The following CTNNA3 variants were observed in gnomAD, a reference collection of about 807,000 sequenced individuals.
CTNNA3 encodes the protein catenin alpha 3.
CTNNA3 carries 76 observed loss-of-function variants against 95.7 expected under a neutral mutation model. The ratio of observed to expected loss-of-function variants is 0.79; its 90% CI spans 0.66 to 0.96. CTNNA3 has a LOEUF of 0.96. CTNNA3 is among the 40% of genes least tolerant of loss of function. CTNNA3 has a pLI of 0.00. For synonymous variants in CTNNA3, 431 were observed against 374.4 expected (o/e 1.15, Z -1.74); for missense variants, 1,191 against 1,089.8 (o/e 1.09, Z -1.31).
chr10:67,103,593 G>C (rs561549755), intron 7 of CTNNA3, among the ~76,000 whole-genome samples: 1 of 151,790 alleles, frequency 6.6e-6, no homozygotes, highest in East Asian at 1.9e-4. Context: ...AAGGCTCATA[G>C]TAATTAAATA....
intron 1 of CTNNA3, among the ~76,000 whole-genome samples, chr10:67,702,323 A>AT (rs1205139882): frequency 1.3e-5 from 2 of 152,066 alleles, no homozygotes; most frequent in African/African-American, 2.4e-5. Flanking sequence ...CAGAATATAC[A>AT]TTTTTTTCAG....
intron 1 of CTNNA3, among the ~76,000 whole-genome samples, chr10:67,729,463 AT>A (rs1554879767): frequency 2.6e-5 from 4 of 152,184 alleles, no homozygotes. Context: ...AATAAAGACA[AT>A]GTTAATCTAA....
At chr10:66,608,379 A>C (rs1844205008) in intron 10 of CTNNA3, among the ~76,000 whole-genome samples, 2 of 152,196 alleles carry the variant, frequency 1.3e-5, no homozygotes, top group Non-Finnish European at 2.9e-5. Context: ...TGCCCAAAGC[A>C]ATTTATAGAT....
intron 10 of CTNNA3, among the ~76,000 whole-genome samples, chr10:66,596,371 C>A (rs898432639): frequency 6.6e-6 from 1 of 152,062 alleles, no homozygotes; most frequent in Non-Finnish European, 1.5e-5. Flanking sequence ...CCTATGCTCA[C>A]CCACAGACAA....
chr10:66,583,323 G>A (rs1589451139), intron 10 of CTNNA3, among the ~76,000 whole-genome samples: 1 of 150,928 alleles, frequency 6.6e-6, no homozygotes, highest in African/African-American at 2.4e-5. Flanking sequence ...TGTTGTTGTT[G>A]TTGTTGTTTT....
intron 14 of CTNNA3, among the ~76,000 whole-genome samples, chr10:66,073,715 A>G (rs887104789): frequency 9.2e-5 from 14 of 151,856 alleles, no homozygotes; most frequent in Admixed American, 7.2e-4. Context: ...CTTTGTTTTA[A>G]ATCTTCTTGC....
chr10:66,482,269 C>T (rs1478958744), intron 11 of CTNNA3, among the ~76,000 whole-genome samples: 1 of 152,046 alleles, frequency 6.6e-6, no homozygotes, highest in Admixed American at 6.5e-5. Context: ...CAATGTAACA[C>T]GAAATTCTGA....
chr10:67,136,559 G>GGA (rs891755717), intron 7 of CTNNA3, among the ~76,000 whole-genome samples: 6 of 151,650 alleles, frequency 4.0e-5, no homozygotes, highest in Admixed American at 2.0e-4. Context: ...AAAGAGAGAA[G>GGA]GAGAGAGAGA....
intron 14 of CTNNA3, among the ~76,000 whole-genome samples, chr10:66,087,604 C>T (rs1036588489): frequency 6.6e-6 from 1 of 152,130 alleles, no homozygotes; most frequent in Non-Finnish European, 1.5e-5. Context: ...CTCATGTAAG[C>T]TAACCAGTTT....
chr10:66,591,186 A>G (rs1335513629), intron 10 of CTNNA3, among the ~76,000 whole-genome samples: 2 of 152,176 alleles, frequency 1.3e-5, no homozygotes, highest in East Asian at 3.9e-4. Flanking sequence ...AAAAGAGAGC[A>G]GCCTCAGCAG....
intron 7 of CTNNA3, among the ~76,000 whole-genome samples, chr10:66,827,503 A>G (rs74141696): frequency 0.2 from 29,770 of 152,156 alleles, 3,009 homozygotes; most frequent in Middle Eastern, 0.26. Context: ...TTGTCCTGCT[A>G]TGCAATATAG....
chr10:67,437,199 T>C (rs148114481), intron 5 of CTNNA3, among the ~76,000 whole-genome samples: 5,200 of 152,256 alleles, frequency 0.034, 284 homozygotes, highest in African/African-American at 0.11. Flanking sequence ...GAGACTATTA[T>C]TCTAAGTGAA....
chr10:66,304,026 G>GA (rs1218751990), intron 12 of CTNNA3, among the ~76,000 whole-genome samples: 2 of 151,876 alleles, frequency 1.3e-5, no homozygotes, highest in Non-Finnish European at 2.9e-5. Flanking sequence ...AAGAAAAGAT[G>GA]AAATATATAC....
intron 5 of CTNNA3, among the ~76,000 whole-genome samples, chr10:67,416,110 C>A (rs1399460296): frequency 6.6e-6 from 1 of 151,918 alleles, no homozygotes; most frequent in Non-Finnish European, 1.5e-5. Context: ...GGCTAAGTCC[C>A]CAAATGCAAC....
At chr10:65,983,458 T>G (rs2078364786) in intron 16 of CTNNA3, among the ~76,000 whole-genome samples, 1 of 151,522 alleles carries the variant, frequency 6.6e-6, no homozygotes, top group Non-Finnish European at 1.5e-5. Flanking sequence ...CTAATATGAT[T>G]AATTACAATG....
intron 12 of CTNNA3, among the ~76,000 whole-genome samples, chr10:66,302,872 G>T (rs991334047): frequency 6.6e-6 from 1 of 152,050 alleles, no homozygotes; most frequent in Admixed American, 6.5e-5. Flanking sequence ...ACTATTCCAT[G>T]CCCAAATTAG....
chr10:67,717,863 TG>T (rs1231379095), intron 1 of CTNNA3, among the ~76,000 whole-genome samples: 1 of 152,190 alleles, frequency 6.6e-6, no homozygotes, highest in Non-Finnish European at 1.5e-5. Context: ...AGAAAGTCAG[TG>T]GTAGCTTGAT....
chr10:67,660,658 C>A (rs1434028425), intron 1 of CTNNA3, among the ~76,000 whole-genome samples: 2 of 151,982 alleles, frequency 1.3e-5, no homozygotes, highest in African/African-American at 4.8e-5. Flanking sequence ...TAAGTCCGGG[C>A]GCAGTGGCTC....
At chr10:67,509,781 T>C (rs181026564) in intron 5 of CTNNA3, among the ~76,000 whole-genome samples, 1,914 of 152,326 alleles carry the variant, frequency 0.013, 22 homozygotes, top group Non-Finnish European at 0.019. Flanking sequence ...TCTTCCACAA[T>C]GGTTGAAGTA....
Sources: gnomAD v4.1 joint callset for allele counts (sites outside exome capture counted in the v4.1 genomes callset) on GRCh38, gnomAD v4.1.1 for gene constraint, MANE v1.5 for transcripts, NCBI Gene and HGNC (gene_info 2026-07-23, HGNC 2026-07-21) for gene names.